Variants in ACVR1 observed in about 807,000 individuals in gnomAD.
The protein encoded by ACVR1 is activin receptor type-1.
Under a neutral mutation model 57.1 loss-of-function variants are expected in ACVR1, and 38 were observed. The ratio of observed to expected loss-of-function variants is 0.67; its 90% confidence interval spans 0.51 to 0.87. The LOEUF (loss-of-function observed/expected upper bound fraction) is 0.87. Among genes scored for constraint, ACVR1 ranks in the 40% least tolerant of loss-of-function variants. The probability of loss-of-function intolerance (pLI) is 0.00; values close to 1 mark genes in which losing one functional copy is unlikely to be tolerated. For synonymous variants in ACVR1, 212 were observed against 228.1 expected, an observed-to-expected ratio of 0.93 and a Z score of 0.63; for missense variants, 463 against 638.2, an observed-to-expected ratio of 0.73 and a Z score of 2.96.
chr2:157,818,906 G>A (rs1688047415), intron 1 of ACVR1, among the ~76,000 whole-genome samples: 2 of 151,200 alleles, frequency 1.3e-5, no homozygotes, highest in South Asian at 4.2e-4. Context: ...GTGAAACCCC[G>A]TCTCTACTAA....
intron 8 of ACVR1, among the ~76,000 whole-genome samples, chr2:157,761,393 G>A (rs1326028681): frequency 6.6e-6 from 1 of 152,090 alleles, no homozygotes; most frequent in Admixed American, 6.5e-5. Flanking sequence ...AGGAAAACAG[G>A]CTCACATGTT....
At chr2:157,797,066 G>A (rs748055292) in intron 3 of ACVR1, among the ~76,000 whole-genome samples, 4 of 152,212 alleles carry the variant, frequency 2.6e-5, no homozygotes, top group Non-Finnish European at 4.4e-5. Flanking sequence ...GAAAAAACAG[G>A]TGAAATTTAC....
chr2:157,805,449 G>C (rs922060103), intron 2 of ACVR1, among the ~76,000 whole-genome samples: 3 of 152,034 alleles, frequency 2.0e-5, no homozygotes, highest in African/African-American at 7.2e-5. Flanking sequence ...TCTAACCTAC[G>C]CTTGCTCACC....
intron 9 of ACVR1, among the ~76,000 whole-genome samples, chr2:157,744,424 T>C (rs1353753865): frequency 6.6e-6 from 1 of 152,370 alleles, no homozygotes; most frequent in East Asian, 1.9e-4. Context: ...CTAAACTTTT[T>C]CATCTCATTA....
intron 9 of ACVR1, among the ~76,000 whole-genome samples, chr2:157,754,064 A>G (rs191972696): frequency 6.6e-6 from 1 of 152,348 alleles, no homozygotes; most frequent in East Asian, 1.9e-4. Context: ...GAACTGAATG[A>G]TAATAGTGAC....
chr2:157,759,625 G>A (rs1249553291), intron 9 of ACVR1, among the ~76,000 whole-genome samples: 1 of 151,736 alleles, frequency 6.6e-6, no homozygotes, highest in Non-Finnish European at 1.5e-5. Context: ...AACGAGACAA[G>A]GAAACCACAA....
At chr2:157,790,746 C>G (rs902646169) in intron 3 of ACVR1, among the ~76,000 whole-genome samples, 1 of 152,182 alleles carries the variant, frequency 6.6e-6, no homozygotes, top group African/African-American at 2.4e-5. Flanking sequence ...CCCTAAACTG[C>G]AGGAGGATTA....
intron 3 of ACVR1, among the ~76,000 whole-genome samples, chr2:157,797,506 G>A (rs1219195299): frequency 6.6e-6 from 1 of 152,190 alleles, no homozygotes; most frequent in Non-Finnish European, 1.5e-5. Context: ...TGCTCAATGT[G>A]CAATAGAGTA....
intron 1 of ACVR1, among the ~76,000 whole-genome samples, chr2:157,868,242 T>C (rs1279852482): frequency 6.6e-6 from 1 of 151,822 alleles, no homozygotes; most frequent in Non-Finnish European, 1.5e-5. Flanking sequence ...CCCAGCACTC[T>C]GGGAGGCCGA....
At chr2:157,769,179 T>TCA (rs1378870117) in intron 7 of ACVR1, among the ~76,000 whole-genome samples, 4 of 152,250 alleles carry the variant, frequency 2.6e-5, no homozygotes, top group African/African-American at 9.6e-5. Flanking sequence ...CAAGGAATGG[T>TCA]CAGTATTAGT....
intron 2 of ACVR1, among the ~76,000 whole-genome samples, chr2:157,800,074 T>C (rs1450420302): frequency 3.3e-5 from 5 of 152,194 alleles, no homozygotes; most frequent in African/African-American, 1.2e-4. Flanking sequence ...AGCAATGCAT[T>C]TCTGCATTAA....
In ACVR1 at chr2:157,738,563, CACTAT is replaced by C; in HGVS notation, c.1267_1271del (p.Ile423GlyfsTer14). The C allele has an allele frequency of 6.2e-7, 1 of 1,614,022 alleles. No homozygotes were observed. The highest frequency in any genetic ancestry group is 1.7e-5 in the Admixed American group (1 of 60,016). ...CGTAGAACGGTGGCTTGTAATCCTC[CACTAT>C]ACCTGCACACAAGGACAAGAATTGT... On this transcript the variant is annotated frameshift_variant and splice_region_variant, in exon 10 of 11. Transcript: ENST00000434821. LOFTEE classifies it high-confidence loss of function.
intron 1 of ACVR1, among the ~76,000 whole-genome samples, chr2:157,851,159 A>C (rs988343240): frequency 4.6e-5 from 7 of 152,188 alleles, no homozygotes; most frequent in African/African-American, 1.7e-4. Context: ...TAGCAAACGG[A>C]AAGTTAACTT....
chr2:157,858,381 T>TTTACCG (rs147379716), intron 1 of ACVR1, among the ~76,000 whole-genome samples: 7,878 of 152,252 alleles, frequency 0.052, 217 homozygotes, highest in Non-Finnish European at 0.056. Flanking sequence ...CCACTTGAAC[T>TTTACCG]TTACCGCCTC....
rs895951154 is a variant in ACVR1 at position 157,762,950 on chromosome 2, C to T, written c.1067-1873G>A. 1.4e-4 allele frequency among the ~76,000 whole-genome samples: 22 copies of T among 152,266 alleles called. 1 individual carries two copies. The highest frequency in any genetic ancestry group is 8.5e-4 in the Admixed American group (13 of 15,300). On this transcript the variant is annotated intron_variant, in intron 8 of 10. Transcript: ENST00000434821. ...ACGAGACCCTGAGCCAGAACCACAC[C>T]GCTAAGTCATTCCAAGATTCCTGAC...
chr2:157,822,427 C>G (rs7605386), intron 1 of ACVR1, among the ~76,000 whole-genome samples: 125,615 of 152,210 alleles, frequency 0.83, 51,808 homozygotes, highest in Middle Eastern at 0.87. Context: ...AAATTGAGAG[C>G]TTATACTATT....
intron 1 of ACVR1, among the ~76,000 whole-genome samples, chr2:157,851,981 T>C (rs1205108612): frequency 7.0e-6 from 1 of 142,970 alleles, no homozygotes; most frequent in East Asian, 2.1e-4. Flanking sequence ...ATGGGAGCAA[T>C]GTAAGATTAT....
intron 8 of ACVR1, among the ~76,000 whole-genome samples, chr2:157,764,667 T>C (rs1322709537): frequency 1.3e-5 from 2 of 152,018 alleles, no homozygotes; most frequent in Non-Finnish European, 1.5e-5. Context: ...GCCAGGTAAA[T>C]AGATAAATAG....
intron 1 of ACVR1, among the ~76,000 whole-genome samples, chr2:157,829,355 C>T (rs958733662): frequency 3.3e-5 from 5 of 152,182 alleles, no homozygotes; most frequent in Non-Finnish European, 7.3e-5. Flanking sequence ...CAAACCCCAT[C>T]GCTGCCTACA....
Sources: allele counts gnomAD v4.1 joint callset (sites outside exome capture counted in the v4.1 genomes callset), GRCh38; gene constraint gnomAD v4.1.1; transcripts MANE v1.5; gene names NCBI Gene and HGNC (gene_info 2026-07-23, HGNC 2026-07-21).